The following CCNL1 variants were observed in gnomAD, a reference collection of about 807,000 sequenced individuals.
The protein encoded by CCNL1 is cyclin L1, also known as cyclin-L1.
CCNL1 carries 13 observed loss-of-function variants against 60.6 expected under a neutral mutation model. That is an observed-to-expected ratio of 0.21 (90% CI 0.14 to 0.34). The LOEUF is 0.34. Ranked by LOEUF, CCNL1 falls within the 10% of genes least tolerant of loss-of-function variation. The pLI is 1.00. For missense variants in CCNL1, 481 were observed against 664.3 expected (o/e 0.72, Z 3.03); for synonymous variants, 270 against 244.3 (o/e 1.10, Z -0.98).
chr3:157,158,825 G>A, intron 3 of CCNL1, 41 bp downstream of exon 3: 1 of 1,232,966 alleles, frequency 8.1e-7, no homozygotes. Context: ...GCACGGTACA[G>A]CAGTAGCAAG....
intron 2 of CCNL1, 40 bp downstream of exon 2, chr3:157,159,365 G>C (rs1184085591): frequency 6.3e-7 from 1 of 1,592,682 alleles, no homozygotes; most frequent in Admixed American, 1.7e-5. Flanking sequence ...GCCCATTTCC[G>C]GATGAAGAAA....
chr3:157,152,511 C>G, intron 4 of CCNL1: 1 of 1,142,334 alleles, frequency 8.8e-7, no homozygotes, highest in Non-Finnish European at 1.1e-6. Context: ...GTGATGGGCA[C>G]CGTGCTAGAT....
chr3:157,158,816 C>T, intron 3 of CCNL1, 50 bp downstream of exon 3: 2 of 1,157,542 alleles, frequency 1.7e-6, no homozygotes, highest in South Asian at 2.5e-5. Context: ...ATGACTGGTG[C>T]ACGGTACAGC....
In CCNL1 at chr3:157,159,978, C is replaced by A; in HGVS notation, c.117G>T (p.Gly39=). The change falls in exon 1 of 11, where the codon GGG becomes GGT. Residue 39 remains glycine, a synonymous_variant. Transcript: ENST00000295926. ...TTTTTTTTTG[G]ILIGDRLYSE... is the part of the protein sequence containing the mutation. Reference sequence around the variant, plus strand: ...AGTACAGGCGATCGCCGATCAGGATCCCTCCCGTCGTGGTCGTCGTCGTGG... The same window carrying A: ...AGTACAGGCGATCGCCGATCAGGATACCTCCCGTCGTGGTCGTCGTCGTGG... 1 of 1,589,764 alleles carries A rather than the reference C, an allele frequency of 6.3e-7. No homozygotes were observed. The highest frequency in any genetic ancestry group is 1.8e-5 in the Admixed American group (1 of 55,926).
chr3:157,156,178 G>A (rs973655014), intron 3 of CCNL1, among the ~76,000 whole-genome samples: 2 of 152,178 alleles, frequency 1.3e-5, no homozygotes, highest in African/African-American at 4.8e-5. Flanking sequence ...CAGATTGGTA[G>A]TTTACAAAGA....
intron 4 of CCNL1, 49 bp downstream of exon 4, chr3:157,152,987 A>C (rs1738313183): frequency 4.4e-6 from 7 of 1,586,678 alleles, no homozygotes; most frequent in Non-Finnish European, 6.0e-6. Flanking sequence ...TAAAATTTTT[A>C]GAAAAGTCCT....
In CCNL1 at chr3:157,159,395, CT is replaced by C. The variant is rs778426699; in HGVS notation, c.378+9del. The C allele has an allele frequency of 9.9e-6, 16 of 1,613,708 alleles. No individual in the cohort carries two copies. In the Admixed American group the frequency reaches 2.7e-4, roughly 27 times the overall value. The stretch of plus-strand genomic sequence containing the variant: ...AAGAAATCCCTTTTACCCGCCTCCG[CT>C]GTGCTTACCTCGAAACTGTGTTTGA... On this transcript the variant is annotated intron_variant, in intron 2 of 10. Coordinates refer to ENST00000295926, the MANE Select transcript of CCNL1 (RefSeq NM_020307.4).
At position 157,150,880 on chromosome 3, in the gene CCNL1, A is replaced by G. The variant is rs566611162; in HGVS notation, c.675-499T>C. On this transcript the variant is annotated intron_variant, in intron 5 of 10. Coordinates refer to ENST00000295926, the MANE Select transcript of CCNL1 (RefSeq NM_020307.4). ...GTACCAAGTTAAACTTATATTAAGA[A>G]AGCTAAGATACTTAGAAAATCTAGA... 145 of 984,524 alleles carry G rather than the reference A, an allele frequency of 1.5e-4. No homozygotes were observed. The African/African-American group carries it at 2.4e-3, about 16-fold the overall frequency. 61.0% of individuals were successfully genotyped at this position (984,524 alleles called of 1,614,324 possible).
At chr3:157,145,491 A>G (rs537904111), downstream of CCNL1, among the ~76,000 whole-genome samples, 14 of 145,714 alleles carry the variant, frequency 9.6e-5, no homozygotes, top group South Asian at 2.8e-3. Context: ...TTTGTGGGTC[A>G]TTTAAAGAAA....
Position 157,149,352 on chromosome 3 carries a change from G to A in CCNL1, c.1167C>T (p.Ser389=), listed in dbSNP as rs1242562320. 3.7e-6 allele frequency: 6 copies of A among 1,613,882 alleles called. No homozygotes were observed. Among genetic ancestry groups the A allele is most frequent in the Non-Finnish European group, 5.1e-6 (6 of 1,179,878 alleles). Residue 389 remains serine, a synonymous_variant, in exon 10 of 11, where the codon AGC becomes AGT. Coordinates refer to ENST00000295926, the MANE Select transcript of CCNL1 (RefSeq NM_020307.4). ...TTGACCTCGATCGACTTGCACTTCT[G>A]CTATTTCTACTTCTCTTGCTGTCTT... is the stretch of plus-strand genomic sequence containing the variant. ...VRKDSKRSRN[S]RSASRSRSRT...
chr3:157,143,297 G>A (rs568332659), downstream of CCNL1, among the ~76,000 whole-genome samples: 7 of 152,322 alleles, frequency 4.6e-5, no homozygotes, highest in African/African-American at 1.7e-4. Context: ...CTACCCCTAG[G>A]ATGTTGTTTA....
In CCNL1 at chr3:157,153,052, A is replaced by T. The variant is rs1306462354; in HGVS notation, c.593T>A (p.Val198Asp). ...ACAACTCACCTTATGAGGATGCTTGACATGAACACAAAATCCCAACTCCTT... is the reference window on the plus strand; with the variant it reads ...ACAACTCACCTTATGAGGATGCTTGTCATGAACACAAAATCCCAACTCCTT... ...VLKELGFCVH[V>D]KHPHKIIVMY... is the part of the protein sequence containing the mutation. The change falls in exon 4 of 11, where the codon GTC (valine) becomes GAC (aspartate). Residue 198 changes from valine to aspartate, a missense_variant. By Grantham distance (152) the Val-to-Asp change is radical. This residue lies in a region of CCNL1 where 14 missense variants were observed against 68.8 expected (regional missense o/e 0.20). Transcript: ENST00000295926. 6.2e-7 allele frequency: 1 copy of T among 1,613,450 alleles called. No homozygotes were observed. Among genetic ancestry groups the T allele is most frequent in the Admixed American group, 1.7e-5 (1 of 59,980 alleles).
chr3:157,159,048 A>G, intron 2 of CCNL1, 73 bp from the exon 3 acceptor site: 2 of 990,842 alleles, frequency 2.0e-6, no homozygotes, highest in Non-Finnish European at 3.1e-6. Context: ...TTAGAACACA[A>G]TTGGGACAAC....
rs749746366 is a variant in CCNL1 at position 157,150,184 on chromosome 3, C to A, written c.775-15G>T. 6.2e-7 allele frequency: 1 copy of A among 1,609,584 alleles called. No individual in the cohort carries two copies. Among genetic ancestry groups the A allele is most frequent in the African/African-American group, 1.3e-5 (1 of 74,494 alleles). On this transcript the variant is annotated splice_polypyrimidine_tract_variant and intron_variant, in intron 6 of 10. Transcript: ENST00000295926. Reference sequence around the variant, plus strand: ...GGCAACGGAATCTAAACCATAAGAACAGAATGTTTTAAATTAAATTTTTGC... The same window carrying A: ...GGCAACGGAATCTAAACCATAAGAAAAGAATGTTTTAAATTAAATTTTTGC...
At chr3:157,148,954 T>G (rs1042755108) in intron 10 of CCNL1, 2 of 334,726 alleles carry the variant, frequency 6.0e-6, no homozygotes, top group African/African-American at 2.2e-5. Context: ...ATTTGATTAT[T>G]GGTTATTAAT....
downstream of CCNL1, among the ~76,000 whole-genome samples, chr3:157,145,466 C>CAAAAAAAAAAAAAAAAAAAAAAAAAAA (rs1737755942): frequency 1.1e-4 from 10 of 88,974 alleles, 1 homozygote; most frequent in African/African-American, 4.6e-4. Context: ...AAAAAAAAAC[C>CAAAAAAAAAAAAAAAAAAAAAAAAAAA]AAAACGGGAT....
rs1560195321 is a variant in CCNL1 at position 157,149,373 on chromosome 3, G to A, written c.1146C>T (p.Asp382=). 6.8e-6 allele frequency: 11 copies of A among 1,613,748 alleles called. No homozygotes were observed. The East Asian group carries it at 1.8e-4, about 26-fold the overall frequency. ...TTCTGCTATTTCTACTTCTCTTGCTGTCTTTTCTTACACTTCAAAAAATCA... is the reference window on the plus strand; with the variant it reads ...TTCTGCTATTTCTACTTCTCTTGCTATCTTTTCTTACACTTCAAAAAATCA... ...SKSPYNGVRK[D]SKRSRNSRSA... The change falls in exon 10 of 11, where the codon GAC becomes GAT. Residue 382 remains aspartate, a synonymous_variant. Transcript: ENST00000295926.
At position 157,152,224 on chromosome 3, in the gene CCNL1, T is replaced by C. The variant is rs1560197951; in HGVS notation, c.627A>G (p.Leu209=). 1.2e-6 allele frequency: 2 copies of C among 1,611,972 alleles called. No individual in the cohort carries two copies. Among genetic ancestry groups the C allele is most frequent in the Non-Finnish European group, 1.7e-6 (2 of 1,179,266 alleles). Residue 209 remains leucine, a synonymous_variant, in exon 5 of 11, where the codon TTA becomes TTG. Coordinates refer to ENST00000295926, the MANE Select transcript of CCNL1 (RefSeq NM_020307.4). ...KHPHKIIVMY[L]QVLECERNQT... ...GATTACGTTCACATTCTAAGACTTG[T>C]AAATACATAACAATGATCTGAAGGA...
In CCNL1 at chr3:157,150,170, C is replaced by T; in HGVS notation, c.775-1G>A. 1 of 1,610,978 alleles carries T rather than the reference C, an allele frequency of 6.2e-7. No individual in the cohort carries two copies. Among genetic ancestry groups the T allele is most frequent in the Non-Finnish European group, 8.5e-7 (1 of 1,179,036 alleles). Reference sequence around the variant, plus strand: ...AATGGGGACGAGTTGGCAACGGAATCTAAACCATAAGAACAGAATGTTTTA... The same window carrying T: ...AATGGGGACGAGTTGGCAACGGAATTTAAACCATAAGAACAGAATGTTTTA... On this transcript the variant is annotated splice_acceptor_variant, in intron 6 of 10. Transcript: ENST00000295926. LOFTEE classifies it high-confidence loss of function.
Sources: gnomAD v4.1 joint callset for allele counts (sites outside exome capture counted in the v4.1 genomes callset) on GRCh38, gnomAD v4.1.1 for gene constraint, gnomAD v4.1.1 regional missense constraint, MANE v1.5 for transcripts, NCBI Gene and HGNC (gene_info 2026-07-23, HGNC 2026-07-21) for gene names.